LOXL1: variants seen among roughly 807,000 people sequenced by gnomAD.
LOXL1 encodes lysyl oxidase like 1.
In LOXL1, 31 loss-of-function variants were observed where a neutral mutation model predicts 62.2. The ratio of observed to expected loss-of-function variants is 0.50; its 90% CI spans 0.37 to 0.67. The LOEUF is 0.67. LOXL1 is among the 30% of genes least tolerant of loss of function. LOXL1 has a pLI of 0.00. For synonymous variants in LOXL1, 403 were observed against 384.4 expected (o/e 1.05, Z -0.56); for missense variants, 775 against 843.4 (o/e 0.92, Z 1.00).
At chr15:73,929,721 C>G (rs1241186721) in intron 1 of LOXL1, among the ~76,000 whole-genome samples, 2 of 152,216 alleles carry the variant, frequency 1.3e-5, no homozygotes, top group Non-Finnish European at 2.9e-5. Context: ...TCTAGGGCCC[C>G]TTGGAGAATA....
chr15:73,937,919 C>G (rs981374674), intron 1 of LOXL1, among the ~76,000 whole-genome samples: 1 of 152,180 alleles, frequency 6.6e-6, no homozygotes, highest in Non-Finnish European at 1.5e-5. Context: ...TTCATCAGGC[C>G]CAGGAGGGGC....
At chr15:73,937,964 C>T (rs1473335046) in intron 1 of LOXL1, among the ~76,000 whole-genome samples, 2 of 152,124 alleles carry the variant, frequency 1.3e-5, no homozygotes, top group East Asian at 1.9e-4. Context: ...GTTTGTGGAG[C>T]GGGGAGTTAG....
intron 5 of LOXL1, among the ~76,000 whole-genome samples, chr15:73,949,124 G>A (rs2068767077): frequency 6.6e-6 from 1 of 152,186 alleles, no homozygotes; most frequent in Admixed American, 6.5e-5. Context: ...GGGAGACCAG[G>A]TGTTGAATCC....
At chr15:73,928,165 G>C (rs2068605721) in intron 1 of LOXL1, 1 of 370,650 alleles carries the variant, frequency 2.7e-6, no homozygotes, top group Non-Finnish European at 4.8e-6. Flanking sequence ...GCCGAGCTTT[G>C]GGAGGAGGCT....
Position 73,926,808 on chromosome 15 carries a change from C to T in LOXL1, c.25C>T (p.Gln9Ter). 2 of 1,485,236 alleles carry T rather than the reference C, an allele frequency of 1.3e-6. No homozygotes were observed. The highest frequency in any genetic ancestry group is 1.8e-6 in the Non-Finnish European group (2 of 1,117,092). 92.0% of individuals were successfully genotyped at this position (1,485,236 alleles called of 1,614,324 possible). A position where few individuals can be genotyped will look rare whatever the true frequency, so the allele number is the denominator to read the frequency against. Residue 9 changes from glutamine (Q) to a stop codon, truncating the protein, a stop_gained, in exon 1 of 7, where the codon CAG becomes TAG. Transcript: ENST00000261921. LOFTEE classifies it high-confidence loss of function. MALARGSR[Q>*]LGALVWGACL... ...CATGGCTCTGGCCCGAGGCAGCCGG[C>T]AGCTGGGGGCCCTGGTGTGGGGCGC... is the stretch of plus-strand genomic sequence containing the variant.
chr15:73,933,465 A>C (rs1261347477), intron 1 of LOXL1, among the ~76,000 whole-genome samples: 1 of 152,222 alleles, frequency 6.6e-6, no homozygotes, highest in East Asian at 1.9e-4. Flanking sequence ...CGGGCCCCAC[A>C]GAGTTGCTGG....
intron 1 of LOXL1, among the ~76,000 whole-genome samples, 185 bp from the exon 2 acceptor site, chr15:73,942,669 C>T (rs2068722456): frequency 6.6e-6 from 1 of 152,108 alleles, no homozygotes. Flanking sequence ...GCTCTTGCTG[C>T]CTGACTTCCC....
chr15:73,926,793 G>C lies in LOXL1; in HGVS notation c.10G>C (p.Ala4Pro). The change falls in exon 1 of 7, where the codon GCC becomes CCC. Residue 4 changes from alanine (A) to proline (P), a missense_variant. Ala to Pro is a conservative substitution (Grantham distance 27). Coordinates refer to ENST00000261921, the MANE Select transcript of LOXL1 (RefSeq NM_005576.4). Reference protein sequence around the residue: MALARGSRQLGALV... With the variant: MALPRGSRQLGALV... ...CTGCAGAGGGGTCACCATGGCTCTG[G>C]CCCGAGGCAGCCGGCAGCTGGGGGC... 6.8e-7 allele frequency: 1 copy of C among 1,468,998 alleles called. No individual in the cohort carries two copies. The highest frequency in any genetic ancestry group is 2.5e-5 in the Admixed American group (1 of 40,632). The allele number at this position is 1,468,998 out of a possible 1,614,324, so 91.0% of individuals were successfully genotyped here.
rs1239791855 is a variant in LOXL1, at chr15:73,930,680, A to T, written c.1102+2795A>T. Among the ~76,000 whole-genome samples, 3 of 151,988 alleles carry T rather than the reference A, an allele frequency of 2.0e-5. No homozygotes were observed. The highest frequency in any genetic ancestry group is 6.5e-5 in the Admixed American group (1 of 15,272). On this transcript the variant is annotated intron_variant, in intron 1 of 6. Coordinates refer to ENST00000261921, the MANE Select transcript of LOXL1 (RefSeq NM_005576.4). This position sits in a 1 kb window ranked among gnomAD's most constrained non-coding sequence, Gnocchi z 4.7. ...ACAACACCAAGCACATGTGAGCACCACCCACCTCCCTCCATGGGTGGGTGG... is the reference window on the plus strand; with the variant it reads ...ACAACACCAAGCACATGTGAGCACCTCCCACCTCCCTCCATGGGTGGGTGG...
Position 73,926,901 on chromosome 15 carries a change from C to A in LOXL1, c.118C>A (p.Arg40=). Residue 40 remains arginine (R), a synonymous_variant, in exon 1 of 7, where the codon CGG becomes AGG. Coordinates refer to ENST00000261921, the MANE Select transcript of LOXL1 (RefSeq NM_005576.4). ...GCAGGGCTCGGACCCCGCCCGCTGG[C>A]GGCAGCTGATCCAGTGGGAGAACAA... The part of the protein sequence containing the change: ...PGQGSDPARW[R]QLIQWENNGQ... 6.4e-7 allele frequency: 1 copy of A among 1,567,140 alleles called. No individual in the cohort carries two copies. Among genetic ancestry groups the A allele is most frequent in the East Asian group, 2.3e-5 (1 of 42,792 alleles).
chr15:73,927,892 ACGGCCCCGGCGCCCCTC>A lies in LOXL1; in HGVS notation c.1102+13_1102+29del. 13 of 1,304,880 alleles carry A rather than the reference ACGGCCCCGGCGCCCCTC, an allele frequency of 1.0e-5. No individual in the cohort carries two copies. The highest frequency in any genetic ancestry group is 1.2e-5 in the Non-Finnish European group (12 of 1,032,378). 80.8% of individuals were successfully genotyped at this position (1,304,880 alleles called of 1,614,324 possible). ...CCCAACCAGAACGGCCGCGGTGAGT[ACGGCCCCGGCGCCCCTC>A]CGGCCGCGCGTACCCCTGGCCACTG... is the stretch of plus-strand genomic sequence containing the variant. On this transcript the variant is annotated splice_region_variant and intron_variant, in intron 1 of 6. Coordinates refer to ENST00000261921, the MANE Select transcript of LOXL1 (RefSeq NM_005576.4).
At chr15:73,937,149 G>A (rs76675154) in intron 1 of LOXL1, among the ~76,000 whole-genome samples, 5,964 of 152,218 alleles carry the variant, frequency 0.039, 285 homozygotes, top group East Asian at 0.24. Context: ...TCCCGAGGGC[G>A]GGCACGGGAG....
intron 2 of LOXL1, 176 bp from the exon 3 acceptor site, chr15:73,946,241 G>T: frequency 1.7e-6 from 1 of 590,126 alleles, no homozygotes. Context: ...GAAGACAGAG[G>T]AAGAGGCCTG....
At chr15:73,935,233 G>A (rs150089801) in intron 1 of LOXL1, among the ~76,000 whole-genome samples, 35 of 152,324 alleles carry the variant, frequency 2.3e-4, no homozygotes, top group South Asian at 2.1e-4. Context: ...CAGGGGAACC[G>A]ACAGGAGGCT....
At position 73,949,446 on chromosome 15, in the gene LOXL1, T is replaced by G; in HGVS notation, c.1603-13T>G. On this transcript the variant is annotated splice_polypyrimidine_tract_variant and intron_variant, in intron 5 of 6. Transcript: ENST00000261921. The stretch of plus-strand genomic sequence containing the variant: ...ACTAGACTCCCTTTCTCCCTGTTTC[T>G]CTTCTTCCTCAGGTGCACGTGAACC... The G allele has an allele frequency of 6.5e-7, 1 of 1,533,318 alleles. No individual in the cohort carries two copies. The highest frequency in any genetic ancestry group is 1.4e-5 in the African/African-American group (1 of 73,436). The allele number at this position is 1,533,318 out of a possible 1,614,324, so 95.0% of individuals were successfully genotyped here.
rs1358786447 is a variant in LOXL1, at chr15:73,930,875, A to G, written c.1102+2990A>G. 6.6e-6 allele frequency among the ~76,000 whole-genome samples: 1 copy of G among 152,212 alleles called. No homozygotes were observed. The highest frequency in any genetic ancestry group is 1.5e-5 in the Non-Finnish European group (1 of 68,020). ...GAAACAGAGGCCCAGAGAGGGTCAC[A>G]TACTTTGCCTGGCTCTCATAGCAAA... On this transcript the variant is annotated intron_variant, in intron 1 of 6. Transcript: ENST00000261921. This position sits in a 1 kb window ranked among gnomAD's most constrained non-coding sequence, Gnocchi z 4.7.
chr15:73,947,980 A>G, intron 5 of LOXL1, 78 bp downstream of exon 5: 1 of 1,127,410 alleles, frequency 8.9e-7, no homozygotes. Context: ...AAGAAGCTTC[A>G]GCCTCTGGGC....
rs371994285 is a variant in LOXL1 at position 73,951,909 on chromosome 15, G to A, written c.*72G>A. On this transcript the variant is annotated 3_prime_UTR_variant, in exon 7 of 7. Transcript: ENST00000261921. ...CCTGCTCCCCGGGCAGCCTCCCGCC[G>A]AGGGGCCCAGCCCCCAACCCACAGG... 3.1e-5 allele frequency: 43 copies of A among 1,372,280 alleles called. No homozygotes were observed. The highest frequency in any genetic ancestry group is 3.9e-5 in the Non-Finnish European group (41 of 1,044,674). 85.0% of individuals were successfully genotyped at this position (1,372,280 alleles called of 1,614,324 possible). A position where few individuals can be genotyped will look rare whatever the true frequency, so the allele number is the denominator to read the frequency against.
intron 6 of LOXL1, among the ~76,000 whole-genome samples, chr15:73,951,139 C>G (rs150210743): frequency 6.6e-6 from 1 of 152,158 alleles, no homozygotes; most frequent in African/African-American, 2.4e-5. Flanking sequence ...GCTGGGGGCT[C>G]GGGGAGGCAG....
Sources: allele counts gnomAD v4.1 joint callset (sites outside exome capture counted in the v4.1 genomes callset), GRCh38; gene constraint gnomAD v4.1.1; non-coding constraint Gnocchi (gnomAD v3.1); transcripts MANE v1.5; gene names NCBI Gene and HGNC (gene_info 2026-07-23, HGNC 2026-07-21).